The following BLVRA variants were observed in gnomAD, a reference collection of about 807,000 sequenced individuals.
BLVRA encodes biliverdin reductase A.
BLVRA carries 22 observed loss-of-function variants against 32.8 expected under a neutral mutation model. The ratio of observed to expected loss-of-function variants is 0.67; its 90% CI spans 0.48 to 0.96. The LOEUF (loss-of-function observed/expected upper bound fraction) is 0.96. Ranked by LOEUF, BLVRA falls within the 40% of genes least tolerant of loss-of-function variation. The probability of loss-of-function intolerance (pLI) is 0.00; values close to 1 mark genes in which losing one functional copy is unlikely to be tolerated. For synonymous variants in BLVRA, 119 were observed against 141.3 expected (o/e 0.84, Z 1.12); for missense variants, 323 against 358.1 (o/e 0.90, Z 0.79).
chr7:43,774,387 A>C (rs1216424319), intron 2 of BLVRA, among the ~76,000 whole-genome samples: 1 of 152,192 alleles, frequency 6.6e-6, no homozygotes, highest in Non-Finnish European at 1.5e-5. Flanking sequence ...ACCATTTATT[A>C]AATAGGGAAT....
intron 5 of BLVRA, among the ~76,000 whole-genome samples, chr7:43,793,242 G>T (rs1349288299): frequency 6.6e-6 from 1 of 151,834 alleles, no homozygotes; most frequent in Non-Finnish European, 1.5e-5. Context: ...TTTAGTATAT[G>T]CTAGGAACTT....
At chr7:43,797,746 T>A (rs1778611442) in intron 5 of BLVRA, among the ~76,000 whole-genome samples, 1 of 152,240 alleles carries the variant, frequency 6.6e-6, no homozygotes, top group South Asian at 2.1e-4. Context: ...TATTGACATG[T>A]CACTTTTAGT....
At chr7:43,788,615 T>C (rs1047956210) in intron 3 of BLVRA, among the ~76,000 whole-genome samples, 1 of 152,016 alleles carries the variant, frequency 6.6e-6, no homozygotes, top group Non-Finnish European at 1.5e-5. Flanking sequence ...TTATTATTAT[T>C]ATTATTTTTT....
intron 2 of BLVRA, among the ~76,000 whole-genome samples, chr7:43,779,081 G>A (rs1205640496): frequency 6.6e-6 from 1 of 152,228 alleles, no homozygotes; most frequent in African/African-American, 2.4e-5. Context: ...ACTAGGAAAG[G>A]GAACTCCCTG....
At chr7:43,795,888 A>C (rs2095792200) in intron 5 of BLVRA, among the ~76,000 whole-genome samples, 2 of 151,982 alleles carry the variant, frequency 1.3e-5, no homozygotes, top group African/African-American at 4.8e-5. Flanking sequence ...GACAGATCAC[A>C]AGGTCAAGAG....
chr7:43,775,772 G>A (rs1420386334), intron 2 of BLVRA, among the ~76,000 whole-genome samples: 2 of 152,144 alleles, frequency 1.3e-5, no homozygotes, highest in African/African-American at 4.8e-5. Flanking sequence ...TCTCGTCCTG[G>A]ACTCTTTTTG....
chr7:43,765,276 G>C (rs984672490), intron 1 of BLVRA, among the ~76,000 whole-genome samples: 1 of 152,148 alleles, frequency 6.6e-6, no homozygotes, highest in East Asian at 1.9e-4. Context: ...TTTAGAGACA[G>C]AGTCTTGCTC....
chr7:43,796,213 T>C (rs1299363650), intron 5 of BLVRA, among the ~76,000 whole-genome samples: 1 of 150,004 alleles, frequency 6.7e-6, no homozygotes, highest in African/African-American at 2.5e-5. Flanking sequence ...TTACAACAAA[T>C]GCTGCTGAAA....
At chr7:43,777,446 T>TCCC (rs2095762706) in intron 2 of BLVRA, among the ~76,000 whole-genome samples, 1 of 121,320 alleles carries the variant, frequency 8.2e-6, no homozygotes, top group African/African-American at 3.1e-5. Context: ...AAAATTCTTT[T>TCCC]CTTTAAGAAT....
chr7:43,792,504 C>T (rs1188018279), intron 4 of BLVRA, among the ~76,000 whole-genome samples: 1 of 152,088 alleles, frequency 6.6e-6, no homozygotes, highest in Non-Finnish European at 1.5e-5. Context: ...AACACATAAC[C>T]AGAAAGTTGA....
At chr7:43,770,705 T>C (rs2095753780) in intron 1 of BLVRA, among the ~76,000 whole-genome samples, 1 of 152,094 alleles carries the variant, frequency 6.6e-6, no homozygotes, top group African/African-American at 2.4e-5. Flanking sequence ...CATACTAAAT[T>C]GCAGTCCTCC....
intron 1 of BLVRA, chr7:43,767,398 A>G (rs1345020183): frequency 2.7e-5 from 43 of 1,601,158 alleles, no homozygotes; most frequent in Non-Finnish European, 3.2e-5. Context: ...CACAGCTTTA[A>G]TGATCACTGT....
At chr7:43,790,630 T>C (rs891572817) in intron 3 of BLVRA, among the ~76,000 whole-genome samples, 2 of 152,218 alleles carry the variant, frequency 1.3e-5, no homozygotes, top group Non-Finnish European at 2.9e-5. Context: ...GAAGTGACCA[T>C]AGAGATCACT....
chr7:43,768,100 A>T (rs1324873153), intron 1 of BLVRA, among the ~76,000 whole-genome samples: 2 of 152,202 alleles, frequency 1.3e-5, no homozygotes, highest in Non-Finnish European at 2.9e-5. Context: ...AAACATTTTG[A>T]TCTGTCAGTC....
At chr7:43,790,255 A>G (rs1278462093) in intron 3 of BLVRA, among the ~76,000 whole-genome samples, 1 of 151,998 alleles carries the variant, frequency 6.6e-6, no homozygotes, top group African/African-American at 2.4e-5. Context: ...CTCTTCGAAG[A>G]CTGCAGCTCC....
intron 1 of BLVRA, among the ~76,000 whole-genome samples, chr7:43,764,572 G>C (rs887749967): frequency 6.6e-6 from 1 of 152,146 alleles, no homozygotes; most frequent in Non-Finnish European, 1.5e-5. Context: ...GCTGGAAAGT[G>C]GGGTGGGGAA....
At chr7:43,776,673 C>G (rs1297497444) in intron 2 of BLVRA, among the ~76,000 whole-genome samples, 1 of 152,128 alleles carries the variant, frequency 6.6e-6, no homozygotes, top group Non-Finnish European at 1.5e-5. Context: ...TGGTGCAGAG[C>G]TGAGTTCAAT....
At position 43,788,748 on chromosome 7, in the gene BLVRA, C is replaced by T. The variant is rs145421240; in HGVS notation, c.134+723C>T. Among the ~76,000 whole-genome samples, 153 of 152,230 alleles carry T rather than the reference C, an allele frequency of 1.0e-3. 1 individual carries two copies. In the East Asian group the frequency reaches 0.017, roughly 17 times the overall value. On this transcript the variant is annotated intron_variant, in intron 3 of 7. Transcript: ENST00000265523. ...CCTCACAGCTCAAGTGGTCCTCCTG[C>T]CTCAGCCTTCTGAGTAGCTGGGACT...
intron 2 of BLVRA, among the ~76,000 whole-genome samples, chr7:43,780,028 C>T (rs183452998): frequency 1.3e-5 from 2 of 152,132 alleles, no homozygotes; most frequent in East Asian, 1.9e-4. Context: ...AGCACCACCA[C>T]ACCTGGGTAA....
Sources: allele counts gnomAD v4.1 joint callset (sites outside exome capture counted in the v4.1 genomes callset), GRCh38; gene constraint gnomAD v4.1.1; transcripts MANE v1.5; gene names NCBI Gene and HGNC (gene_info 2026-07-23, HGNC 2026-07-21).